Variants in EPB41 observed in about 807,000 individuals in gnomAD.
EPB41 encodes erythrocyte membrane protein band 4.1.
A neutral mutation model predicts 108.0 loss-of-function variants in EPB41; 65 were observed. That is an observed-to-expected ratio of 0.60 (90% CI 0.49 to 0.74). EPB41 has a LOEUF of 0.74. Ranked by LOEUF, EPB41 falls within the 30% of genes least tolerant of loss-of-function variation. The pLI is 0.00. For missense variants in EPB41, 875 were observed against 1,037.0 expected, an observed-to-expected ratio of 0.84 and a Z score of 2.15; for synonymous variants, 336 against 358.9, an observed-to-expected ratio of 0.94 and a Z score of 0.72.
chr1:29,070,085 C>T (rs1650582162), intron 16 of EPB41: 1 of 272,264 alleles, frequency 3.7e-6, no homozygotes, highest in Admixed American at 5.3e-5. Context: ...TGAATATCCT[C>T]AAAGGAAGAA....
At chr1:28,961,726 T>C (rs541495742) in intron 1 of EPB41, among the ~76,000 whole-genome samples, 2 of 152,306 alleles carry the variant, frequency 1.3e-5, no homozygotes, top group Non-Finnish European at 2.9e-5. Flanking sequence ...AAAATAAAAA[T>C]GAAAAATTCA....
chr1:28,939,691 C>T (rs774091974), intron 1 of EPB41, among the ~76,000 whole-genome samples: 1 of 152,152 alleles, frequency 6.6e-6, no homozygotes, highest in Non-Finnish European at 1.5e-5. Context: ...GATCCGCCCA[C>T]CTCAGCCCCT....
At chr1:29,021,587 CTT>C (rs376316483) in intron 7 of EPB41, among the ~76,000 whole-genome samples, 9 of 142,180 alleles carry the variant, frequency 6.3e-5, no homozygotes, top group African/African-American at 7.7e-5. Flanking sequence ...CTTTTTTTTT[CTT>C]TTTTTTTTTT....
Position 29,035,274 on chromosome 1 carries a change from T to C in EPB41, c.1366-552T>C, listed in dbSNP as rs148059944. Among the ~76,000 whole-genome samples the C allele has an allele frequency of 3.8e-3, 584 of 152,284 alleles. 6 individuals are homozygous for C. The highest frequency in any genetic ancestry group is 0.013 in the African/African-American group (540 of 41,556). On this transcript the variant is annotated intron_variant, in intron 9 of 20. Coordinates refer to ENST00000343067, the MANE Select transcript of EPB41 (RefSeq NM_001376013.1). ...CTGGGATTACAGGCGTAAGCCACCG[T>C]GCCTGGCAGGTATACATATTTCAAA...
chr1:29,006,859 C>T (rs1446408369), intron 4 of EPB41, among the ~76,000 whole-genome samples: 1 of 151,554 alleles, frequency 6.6e-6, no homozygotes, highest in Non-Finnish European at 1.5e-5. Context: ...GAGATTGTGC[C>T]ACTGCACTCC....
chr1:29,108,527 ACTT>A (rs1401131727), intron 17 of EPB41, among the ~76,000 whole-genome samples: 1 of 151,748 alleles, frequency 6.6e-6, no homozygotes, highest in Non-Finnish European at 1.5e-5. Flanking sequence ...CTTAGAAGGA[ACTT>A]TGTGCCCAGG....
intron 5 of EPB41, among the ~76,000 whole-genome samples, chr1:29,015,472 G>A (rs535588329): frequency 2.0e-5 from 3 of 152,096 alleles, no homozygotes; most frequent in East Asian, 3.9e-4. Context: ...CAGAAGAATC[G>A]CTTGAACCTG....
chr1:29,087,656 C>T (rs180834918), intron 16 of EPB41, among the ~76,000 whole-genome samples: 29 of 152,188 alleles, frequency 1.9e-4, no homozygotes, highest in East Asian at 3.9e-4. Context: ...CCACTGCGCC[C>T]GGCCCATATC....
intron 4 of EPB41, among the ~76,000 whole-genome samples, chr1:29,010,972 G>A (rs1038762398): frequency 1.3e-5 from 2 of 151,952 alleles, no homozygotes; most frequent in African/African-American, 4.8e-5. Context: ...AATTAGCTGG[G>A]CATGGCATGG....
chr1:29,042,328 T>C (rs1020471565), intron 11 of EPB41, among the ~76,000 whole-genome samples: 1 of 152,134 alleles, frequency 6.6e-6, no homozygotes, highest in Non-Finnish European at 1.5e-5. Flanking sequence ...ATATTCATCA[T>C]AGTGGAAGAA....
intron 6 of EPB41, among the ~76,000 whole-genome samples, chr1:29,017,137 C>T (rs569332034): frequency 1.2e-4 from 18 of 152,036 alleles, no homozygotes; most frequent in African/African-American, 3.6e-4. Flanking sequence ...CATCTTTTTC[C>T]GTCTAGGCTT....
chr1:29,040,174 A>G (rs1640952847), intron 11 of EPB41, among the ~76,000 whole-genome samples: 1 of 152,204 alleles, frequency 6.6e-6, no homozygotes, highest in African/African-American at 2.4e-5. Context: ...CCTAGGCCAC[A>G]AAGTGAGACT....
chr1:28,980,235 G>A (rs1311125422), intron 1 of EPB41, among the ~76,000 whole-genome samples: 1 of 152,158 alleles, frequency 6.6e-6, no homozygotes, highest in Non-Finnish European at 1.5e-5. Flanking sequence ...CTACTTAGGA[G>A]GCTGAGGTAG....
intron 5 of EPB41, among the ~76,000 whole-genome samples, chr1:29,012,499 G>A (rs749890660): frequency 1.2e-4 from 19 of 152,062 alleles, no homozygotes; most frequent in East Asian, 1.9e-4. Flanking sequence ...GTATAGTCCC[G>A]CTTTACACCC....
chr1:29,035,112 G>T (rs1364461741), intron 9 of EPB41, among the ~76,000 whole-genome samples: 2 of 151,368 alleles, frequency 1.3e-5, no homozygotes, highest in East Asian at 3.9e-4. Flanking sequence ...CTCCTGAGTA[G>T]CTGGAATTAC....
chr1:29,034,973 G>GT (rs10580931), intron 9 of EPB41, among the ~76,000 whole-genome samples: 6,829 of 86,720 alleles, frequency 0.079, 24 homozygotes, highest in Non-Finnish European at 0.11. Context: ...TTTGTTTGTT[G>GT]TTTTTTTTTT....
chr1:29,027,445 C>A (rs892029936), intron 7 of EPB41, among the ~76,000 whole-genome samples: 6 of 151,752 alleles, frequency 4.0e-5, no homozygotes, highest in African/African-American at 1.5e-4. Flanking sequence ...GATTCTCCTG[C>A]CTCAGCCTCC....
At position 28,987,554 on chromosome 1, in the gene EPB41, T is replaced by C; in HGVS notation, c.117T>C (p.Cys39=). 6.2e-7 allele frequency: 1 copy of C among 1,614,046 alleles called. No individual in the cohort carries two copies. Among genetic ancestry groups the C allele is most frequent in the Non-Finnish European group, 8.5e-7 (1 of 1,180,016 alleles). Residue 39 remains cysteine, a synonymous_variant, in exon 2 of 21, where the codon TGT becomes TGC. Transcript: ENST00000343067. ...GQQEPQQEES[C]QTAAEGDNWC... is the part of the protein sequence containing the mutation. Reference sequence around the variant, plus strand: ...AAGAACCTCAGCAGGAGGAATCTTGTCAAACAGCAGCTGAAGGAGATAATT... The same window carrying C: ...AAGAACCTCAGCAGGAGGAATCTTGCCAAACAGCAGCTGAAGGAGATAATT...
chr1:29,114,038 G>C (rs1245800135), intron 19 of EPB41, among the ~76,000 whole-genome samples: 1 of 152,166 alleles, frequency 6.6e-6, no homozygotes, highest in Admixed American at 6.5e-5. Context: ...GTAGTTCTAA[G>C]AATGCCATTC....
Sources: gnomAD v4.1 joint callset for allele counts (sites outside exome capture counted in the v4.1 genomes callset) on GRCh38, gnomAD v4.1.1 for gene constraint, MANE v1.5 for transcripts, NCBI Gene and HGNC (gene_info 2026-07-23, HGNC 2026-07-21) for gene names.